Variants in NPIPA1 observed in about 807,000 individuals in gnomAD.
The protein encoded by NPIPA1 is nuclear pore complex-interacting protein family member A1.
For missense variants in NPIPA1, 22 were observed against 232.2 expected (o/e 0.09, Z 5.88); for synonymous variants, 7 against 88.0 (o/e 0.08, Z 5.15).
chr16:14,939,011 C>T (rs1366016790), intron 1 of NPIPA1, among the ~76,000 whole-genome samples: 223 of 139,566 alleles, frequency 1.6e-3, no homozygotes, highest in Non-Finnish European at 2.6e-3. Flanking sequence ...CGTGAGCCAC[C>T]GCGCCTGGCC....
chr16:14,940,342 T>C (rs1471647446), intron 1 of NPIPA1, among the ~76,000 whole-genome samples: 1 of 151,822 alleles, frequency 6.6e-6, no homozygotes, highest in African/African-American at 2.4e-5. Flanking sequence ...TTTAGAGGGA[T>C]TCTTTTACCA....
intron 1 of NPIPA1, among the ~76,000 whole-genome samples, chr16:14,940,418 A>G (rs1242467505): frequency 3.3e-5 from 5 of 152,166 alleles, no homozygotes; most frequent in Admixed American, 2.6e-4. Flanking sequence ...TAAAGAAAAG[A>G]TAACTACTGG....
intron 1 of NPIPA1, among the ~76,000 whole-genome samples, chr16:14,938,023 C>T (rs1965658136): frequency 7.0e-6 from 1 of 143,346 alleles, no homozygotes. Flanking sequence ...TCTCCTCCTC[C>T]TCCTCCCCAA....
chr16:14,938,523 C>T (rs1442393370), intron 1 of NPIPA1, among the ~76,000 whole-genome samples: 32 of 143,798 alleles, frequency 2.2e-4, no homozygotes, highest in Non-Finnish European at 4.0e-4. Flanking sequence ...CATAGCGAAA[C>T]CCCATCTCTA....
In NPIPA1 at chr16:14,939,859, A is replaced by G. The variant is rs1017656116; in HGVS notation, c.64-1953A>G. On this transcript the variant is annotated intron_variant, in intron 1 of 7. Coordinates refer to ENST00000328085, the MANE Select transcript of NPIPA1 (RefSeq NM_006985.4). ...ATATCAACAATCTTAGAGAAATCCC[A>G]CGCTATTCATGCCATTTTCATGATC... is the stretch of plus-strand genomic sequence containing the variant. Among the ~76,000 whole-genome samples, 3 of 26,722 alleles carry G rather than the reference A, an allele frequency of 1.1e-4. 1 individual carries two copies. The highest frequency in any genetic ancestry group is 3.2e-4 in the Non-Finnish European group (3 of 9,522). The allele number at this position is 26,722 out of a possible 152,430, so 17.5% of individuals were successfully genotyped here.
intron 2 of NPIPA1, among the ~76,000 whole-genome samples, chr16:14,943,527 A>G (rs1313372270): frequency 6.7e-6 from 1 of 149,182 alleles, no homozygotes; most frequent in African/African-American, 2.5e-5. Flanking sequence ...TTGGACTTGG[A>G]CAACTTTGTA....
chr16:14,945,405 TG>T (rs1965863385), intron 2 of NPIPA1, among the ~76,000 whole-genome samples, 168 bp from the exon 3 acceptor site: 1 of 146,658 alleles, frequency 6.8e-6, no homozygotes, highest in Non-Finnish European at 1.5e-5. Context: ...CCCACTGCCA[TG>T]CCCGGCTAAT....
chr16:14,945,332 C>G (rs1180686520), intron 2 of NPIPA1, among the ~76,000 whole-genome samples: 151 of 146,726 alleles, frequency 1.0e-3, no homozygotes, highest in African/African-American at 3.5e-3. Context: ...TCACTGCAAC[C>G]TCCACCTCCC....
At chr16:14,943,607 C>T (rs1285219547) in intron 2 of NPIPA1, among the ~76,000 whole-genome samples, 1 of 146,802 alleles carries the variant, frequency 6.8e-6, no homozygotes, top group Non-Finnish European at 1.5e-5. Flanking sequence ...TCATGGGTGC[C>T]ATGAAGCATT....
intron 2 of NPIPA1, among the ~76,000 whole-genome samples, chr16:14,943,936 G>A (rs1317538398): frequency 1.3e-5 from 2 of 152,020 alleles, no homozygotes; most frequent in East Asian, 2.0e-4. Context: ...ATCACTTGAG[G>A]TCAGGAGTTC....
At chr16:14,943,703 A>G (rs1466489679) in intron 2 of NPIPA1, among the ~76,000 whole-genome samples, 2 of 151,106 alleles carry the variant, frequency 1.3e-5, no homozygotes, top group Non-Finnish European at 3.0e-5. Flanking sequence ...TACCTTTCCT[A>G]TGAAATCTAG....
chr16:14,942,813 G>A (rs558526591), intron 2 of NPIPA1, among the ~76,000 whole-genome samples: 38 of 152,244 alleles, frequency 2.5e-4, no homozygotes, highest in Admixed American at 3.9e-4. Context: ...GGCATAATTT[G>A]TCTTTTGAGC....
intron 2 of NPIPA1, among the ~76,000 whole-genome samples, chr16:14,943,605 G>A (rs1965806047): frequency 1.4e-5 from 2 of 147,172 alleles, no homozygotes; most frequent in Non-Finnish European, 3.0e-5. Flanking sequence ...CATCATGGGT[G>A]CCATGAAGCA....
intron 2 of NPIPA1, among the ~76,000 whole-genome samples, chr16:14,944,905 A>G (rs1339618103): frequency 6.9e-6 from 1 of 144,550 alleles, no homozygotes; most frequent in Non-Finnish European, 1.5e-5. Context: ...CACCTGGCCT[A>G]TATTTTTTTT....
chr16:14,947,802 A>G (rs1412332578), intron 4 of NPIPA1, among the ~76,000 whole-genome samples: 1 of 152,248 alleles, frequency 6.6e-6, no homozygotes, highest in Non-Finnish European at 1.5e-5. Flanking sequence ...CTCCCTCCAG[A>G]GTCAGGTTTT....
At chr16:14,938,022 C>T (rs1965658057) in intron 1 of NPIPA1, among the ~76,000 whole-genome samples, 1 of 143,422 alleles carries the variant, frequency 7.0e-6, no homozygotes, top group Admixed American at 7.4e-5. Context: ...TTCTCCTCCT[C>T]CTCCTCCCCA....
intron 2 of NPIPA1, among the ~76,000 whole-genome samples, chr16:14,945,227 G>GTC (rs748459839): frequency 7.3e-6 from 1 of 137,748 alleles, no homozygotes; most frequent in African/African-American, 2.8e-5. Flanking sequence ...ATTCTTGTGT[G>GTC]GTGTGTGTGT....
intron 4 of NPIPA1, among the ~76,000 whole-genome samples, chr16:14,947,363 A>G (rs1223665766): frequency 6.6e-6 from 1 of 151,956 alleles, no homozygotes; most frequent in Non-Finnish European, 1.5e-5. Flanking sequence ...TCGTCTCTGC[A>G]GGCTCAGTCC....
At chr16:14,947,896 C>A (rs1245562437) in intron 4 of NPIPA1, among the ~76,000 whole-genome samples, 1 of 152,028 alleles carries the variant, frequency 6.6e-6, no homozygotes, top group East Asian at 1.9e-4. Context: ...GCTTCTTTAG[C>A]GTGGGGACAG....
Sources: gnomAD v4.1 joint callset for allele counts (sites outside exome capture counted in the v4.1 genomes callset) on GRCh38, gnomAD v4.1.1 for gene constraint, MANE v1.5 for transcripts, NCBI Gene and HGNC (gene_info 2026-07-23, HGNC 2026-07-21) for gene names.